CASQ2: variants seen among roughly 807,000 people sequenced by gnomAD.
CASQ2 encodes calsequestrin-2.
A neutral mutation model predicts 46.5 loss-of-function variants in CASQ2; 49 were observed. The observed-to-expected ratio is 1.05, with a 90% CI of 0.84 to 1.34. The LOEUF (loss-of-function observed/expected upper bound fraction) is 1.34, where lower values mean the gene tolerates loss of function less well. Among genes scored for constraint, CASQ2 ranks in the 40% most tolerant of loss-of-function variants. The pLI, the probability that CASQ2 is intolerant of heterozygous loss-of-function variation, is 0.00. For missense variants in CASQ2, 486 were observed against 481.3 expected (o/e 1.01, Z -0.09); for synonymous variants, 174 against 168.5 (o/e 1.03, Z -0.25).
intron 1 of CASQ2, among the ~76,000 whole-genome samples, chr1:115,748,670 C>A (rs1402498680): frequency 2.0e-5 from 3 of 152,176 alleles, no homozygotes; most frequent in African/African-American, 4.8e-5. Context: ...AGTCACTTGG[C>A]TTCACTCTAT....
chr1:115,739,063 T>TAAA (rs36062822), intron 3 of CASQ2, among the ~76,000 whole-genome samples: 48,514 of 139,600 alleles, frequency 0.35, 9,771 homozygotes, highest in Non-Finnish European at 0.46. Context: ...TTTCTTTTTT[T>TAAA]AAAAAAAAAA....
intron 2 of CASQ2, among the ~76,000 whole-genome samples, chr1:115,743,619 C>G (rs990228028): frequency 2.6e-5 from 4 of 151,594 alleles, no homozygotes; most frequent in Non-Finnish European, 4.4e-5. Context: ...AAATAGAAAA[C>G]AGTTGTCTGT....
At chr1:115,703,561 G>A (rs137967136) in intron 9 of CASQ2, among the ~76,000 whole-genome samples, 135 of 152,208 alleles carry the variant, frequency 8.9e-4, no homozygotes, top group Admixed American at 3.7e-3. Flanking sequence ...GGGGACTAGG[G>A]ATATTCAGGA....
chr1:115,754,457 T>C (rs989242896), intron 1 of CASQ2, among the ~76,000 whole-genome samples: 4 of 152,194 alleles, frequency 2.6e-5, no homozygotes, highest in Non-Finnish European at 5.9e-5. Context: ...AAAAAGCACT[T>C]ACTGGGTGTT....
chr1:115,724,987 G>T (rs984050732), intron 7 of CASQ2, among the ~76,000 whole-genome samples: 1 of 152,202 alleles, frequency 6.6e-6, no homozygotes, highest in Non-Finnish European at 1.5e-5. Flanking sequence ...TTTGCCTAGT[G>T]AGTAGTACCA....
chr1:115,709,551 C>G (rs1654476246), intron 8 of CASQ2, among the ~76,000 whole-genome samples: 1 of 152,134 alleles, frequency 6.6e-6, no homozygotes, highest in Non-Finnish European at 1.5e-5. Context: ...CTAGACAAAG[C>G]AAGTAGAGGA....
At chr1:115,730,672 G>T (rs1647754292) in intron 5 of CASQ2, among the ~76,000 whole-genome samples, 1 of 152,258 alleles carries the variant, frequency 6.6e-6, no homozygotes, top group Admixed American at 6.5e-5. Flanking sequence ...TTAACGCCAA[G>T]ACTTGCTATC....
intron 8 of CASQ2, among the ~76,000 whole-genome samples, chr1:115,706,182 G>A (rs1378350217): frequency 6.6e-6 from 1 of 151,642 alleles, no homozygotes; most frequent in Admixed American, 6.6e-5. Context: ...GTGCGTGTGT[G>A]TATGTGTGTG....
At chr1:115,701,513 G>T in intron 10 of CASQ2, 87 bp from the exon 11 acceptor site, 1 of 855,612 alleles carries the variant, frequency 1.2e-6, no homozygotes, top group Non-Finnish European at 2.0e-6. Context: ...GCTATGCTGA[G>T]TGCCCCCCGA....
chr1:115,759,299 T>C (rs1171610889), intron 1 of CASQ2, among the ~76,000 whole-genome samples: 3 of 152,212 alleles, frequency 2.0e-5, no homozygotes, highest in Non-Finnish European at 2.9e-5. Context: ...GGGCCCCTTA[T>C]AAACAGATGA....
At chr1:115,717,619 C>T (rs1654745716) in intron 8 of CASQ2, among the ~76,000 whole-genome samples, 1 of 152,230 alleles carries the variant, frequency 6.6e-6, no homozygotes, top group Non-Finnish European at 1.5e-5. Flanking sequence ...CTGTAGGAAC[C>T]TGGTAGTCTA....
chr1:115,717,854 T>A lies in CASQ2; in HGVS notation c.824A>T (p.Glu275Val), dbSNP rs1557789393. The A allele has an allele frequency of 1.2e-6, 2 of 1,611,534 alleles. No homozygotes were observed. Among genetic ancestry groups the A allele is most frequent in the South Asian group, 2.2e-5 (2 of 91,014 alleles). Residue 275 changes from glutamate (E) to valine (V), a missense_variant, in exon 8 of 11, where the codon GAG becomes GTG. Glu to Val is a moderately radical substitution (Grantham distance 121, BLOSUM62 -2). Coordinates refer to ENST00000261448, the MANE Select transcript of CASQ2 (RefSeq NM_001232.4). ...LNGIHIVAFA[E>V]KSDPDGYEFL... ...AGGTTTCCTACCTGGATCACTCTTC[T>A]CTGCAAAGGCCACAATGTGGATCCC...
At position 115,705,172 on chromosome 1, in the gene CASQ2, C is replaced by T. The variant is rs1431164488; in HGVS notation, c.939+20G>A. ...GTTGTGACAGCAACTGAGGGTGGGG[C>T]GCTGGCTGGAGCCACTCACCAGAGG... On this transcript the variant is annotated intron_variant, in intron 9 of 10. Transcript: ENST00000261448. 6.0e-6 allele frequency: 9 copies of T among 1,487,826 alleles called. No homozygotes were observed. The highest frequency in any genetic ancestry group is 1.1e-5 in the South Asian group (1 of 88,644). The allele number at this position is 1,487,826 out of a possible 1,614,324, so 92.2% of individuals were successfully genotyped here.
chr1:115,739,124 C>CTTTTTTTTTTT (rs1299140156), intron 3 of CASQ2, among the ~76,000 whole-genome samples: 5 of 99,522 alleles, frequency 5.0e-5, no homozygotes, highest in Non-Finnish European at 1.1e-4. Flanking sequence ...TCTTTTCTTT[C>CTTTTTTTTTTT]TTTTTGAGAT....
At chr1:115,744,996 A>G (rs1464370573) in intron 1 of CASQ2, 84 bp from the exon 2 acceptor site, 10 of 980,424 alleles carry the variant, frequency 1.0e-5, no homozygotes, top group South Asian at 2.7e-5. Flanking sequence ...TCATGTATCA[A>G]TGGAAGGGTT....
At chr1:115,707,776 C>G (rs1570798609) in intron 8 of CASQ2, among the ~76,000 whole-genome samples, 1 of 152,198 alleles carries the variant, frequency 6.6e-6, no homozygotes, top group South Asian at 2.1e-4. Context: ...ACTGCCAGTA[C>G]TTTGGAAGAT....
At chr1:115,721,292 C>T (rs1647367584) in intron 7 of CASQ2, among the ~76,000 whole-genome samples, 3 of 152,144 alleles carry the variant, frequency 2.0e-5, no homozygotes, top group Non-Finnish European at 4.4e-5. Flanking sequence ...GACAGATCAG[C>T]ACTGGGTCTC....
At chr1:115,741,891 A>G (rs1202153846) in intron 2 of CASQ2, among the ~76,000 whole-genome samples, 1 of 152,242 alleles carries the variant, frequency 6.6e-6, no homozygotes, top group Non-Finnish European at 1.5e-5. Context: ...TTTTCTCCAA[A>G]TGAACTCTTC....
chr1:115,737,709 G>A (rs1167584313), intron 4 of CASQ2, among the ~76,000 whole-genome samples: 1 of 152,200 alleles, frequency 6.6e-6, no homozygotes, highest in African/African-American at 2.4e-5. Flanking sequence ...AAGGGAATAT[G>A]TCCAAGGGTG....
Sources: gnomAD v4.1 joint callset for allele counts (sites outside exome capture counted in the v4.1 genomes callset) on GRCh38, gnomAD v4.1.1 for gene constraint, MANE v1.5 for transcripts, NCBI Gene and HGNC (gene_info 2026-07-23, HGNC 2026-07-21) for gene names.